ANKRD26: variants seen among roughly 807,000 people sequenced by gnomAD.
The protein encoded by ANKRD26 is ankyrin repeat domain 26.
ANKRD26 carries 141 observed loss-of-function variants against 208.7 expected under a neutral mutation model. The observed-to-expected ratio is 0.68, with a 90% confidence interval of 0.59 to 0.78. ANKRD26 has a LOEUF of 0.78. ANKRD26 is among the 30% of genes least tolerant of loss of function. The pLI is 0.00. For synonymous variants in ANKRD26, 636 were observed against 660.4 expected, an observed-to-expected ratio of 0.96 and a Z score of 0.57; for missense variants, 1,889 against 1,938.7, an observed-to-expected ratio of 0.97 and a Z score of 0.48.
intron 15 of ANKRD26, among the ~76,000 whole-genome samples, chr10:27,053,719 G>T (rs1291189773): frequency 6.6e-6 from 1 of 152,122 alleles, no homozygotes; most frequent in East Asian, 1.9e-4. Context: ...AGTAACACTA[G>T]ACAATACCAG....
At chr10:27,053,974 T>G (rs1343461385) in intron 15 of ANKRD26, among the ~76,000 whole-genome samples, 1 of 152,214 alleles carries the variant, frequency 6.6e-6, no homozygotes, top group Non-Finnish European at 1.5e-5. Context: ...GCTCCTTACA[T>G]CTGAAATGTT....
chr10:27,044,377 T>C (rs910484613), intron 18 of ANKRD26, among the ~76,000 whole-genome samples, 187 bp from the exon 19 acceptor site: 2 of 152,106 alleles, frequency 1.3e-5, no homozygotes, highest in Non-Finnish European at 2.9e-5. Context: ...TATTAAACTA[T>C]ATACAGAAAA....
At chr10:27,086,768 G>GTTC (rs2056131863) in intron 4 of ANKRD26, among the ~76,000 whole-genome samples, 159 bp from the exon 5 acceptor site, 1 of 97,016 alleles carries the variant, frequency 1.0e-5, no homozygotes, top group Non-Finnish European at 2.0e-5. Context: ...AAACTTTTTT[G>GTTC]TTTTTTTTTT....
At chr10:26,986,026 C>G (rs1179312248) in intron 3 of ANKRD26, among the ~76,000 whole-genome samples, 1 of 152,176 alleles carries the variant, frequency 6.6e-6, no homozygotes, top group African/African-American at 2.4e-5. Flanking sequence ...TGACTTCAAA[C>G]TATACTACAA....
intron 12 of ANKRD26, chr10:27,062,081 T>TCTTC: frequency 3.0e-6 from 3 of 985,308 alleles, no homozygotes; most frequent in Non-Finnish European, 3.6e-6. Context: ...CTTCTTTCTT[T>TCTTC]CTTCTCTTTC....
intron 32 of ANKRD26, among the ~76,000 whole-genome samples, chr10:27,011,157 C>T (rs934448192): frequency 6.6e-6 from 1 of 152,152 alleles, no homozygotes; most frequent in Non-Finnish European, 1.5e-5. Context: ...ACCATTAAAT[C>T]TTAAGCTAAC....
At position 27,082,508 on chromosome 10, in the gene ANKRD26, A is replaced by G. The variant is rs6482593; in HGVS notation, c.740+295T>C. Among the ~76,000 whole-genome samples the G allele has an allele frequency of 0.84, 128,253 of 152,186 alleles. 54,350 individuals are homozygous for G. The highest frequency in any genetic ancestry group is 0.99 in the East Asian group (5,126 of 5,180). On this transcript the variant is annotated intron_variant, in intron 6 of 33. Coordinates refer to ENST00000376087, the MANE Select transcript of ANKRD26 (RefSeq NM_014915.3). ...ATTTGGACCTGTACCTTGATCCAGC[A>G]CCGCACAGGTCTCTATCAATCTATG...
chr10:27,085,801 A>G (rs550946671), intron 5 of ANKRD26, among the ~76,000 whole-genome samples: 41 of 152,252 alleles, frequency 2.7e-4, no homozygotes, highest in Non-Finnish European at 5.0e-4. Context: ...CCAACCTCTC[A>G]TCTTCCTCTT....
chr10:27,100,427 C>T lies in ANKRD26; in HGVS notation c.-101G>A, dbSNP rs990200463. 20 of 1,530,610 alleles carry T rather than the reference C, an allele frequency of 1.3e-5. No homozygotes were observed. The highest frequency in any genetic ancestry group is 2.3e-5 in the East Asian group (1 of 44,108). 94.8% of individuals were successfully genotyped at this position (1,530,610 alleles called of 1,614,324 possible). ...AGTCAGCCCCGGCTGGCCGCAGCCTCCCAAAGGAAACTCCGCGGTTTCCAA... is the reference window on the plus strand; with the variant it reads ...AGTCAGCCCCGGCTGGCCGCAGCCTTCCAAAGGAAACTCCGCGGTTTCCAA... On this transcript the variant is annotated 5_prime_UTR_variant, in exon 1 of 34. Coordinates refer to ENST00000376087, the MANE Select transcript of ANKRD26 (RefSeq NM_014915.3).
chr10:27,049,071 A>T, intron 16 of ANKRD26, 92 bp from the exon 17 acceptor site: 3 of 1,091,352 alleles, frequency 2.7e-6, no homozygotes, highest in Non-Finnish European at 3.9e-6. Flanking sequence ...GACTCAGTTT[A>T]ACTATGGTAA....
chr10:27,064,192 TA>T, intron 11 of ANKRD26, 111 bp from the exon 12 acceptor site: 1 of 865,164 alleles, frequency 1.2e-6, no homozygotes, highest in Non-Finnish European at 1.8e-6. Flanking sequence ...TAAAAGCAAT[TA>T]GGCTTAAAAA....
intron 19 of ANKRD26, 56 bp from the exon 20 acceptor site, chr10:27,043,623 A>G: frequency 1.3e-6 from 2 of 1,528,012 alleles, no homozygotes; most frequent in Non-Finnish European, 1.8e-6. Context: ...TAGCACATAC[A>G]GAAGTGGTAA....
intron 3 of ANKRD26, 33 bp downstream of exon 3, chr10:27,093,316 A>G (rs1352377955): frequency 6.3e-7 from 1 of 1,597,792 alleles, no homozygotes; most frequent in Non-Finnish European, 8.6e-7. Flanking sequence ...ACGCATTTCA[A>G]ATACTGTAAA....
chr10:27,070,886 C>T (rs575720662), intron 9 of ANKRD26, among the ~76,000 whole-genome samples: 7 of 151,984 alleles, frequency 4.6e-5, no homozygotes, highest in African/African-American at 1.7e-4. Flanking sequence ...AGGCTGGTCT[C>T]GAACTCCTGA....
intron 26 of ANKRD26, 32 bp from the exon 27 acceptor site, chr10:27,028,977 A>C (rs774978340): frequency 2.6e-6 from 4 of 1,522,926 alleles, no homozygotes; most frequent in South Asian, 2.4e-5. Context: ...AATTATTCTC[A>C]CAGATAAATT....
chr10:27,012,879 A>C lies in ANKRD26; in HGVS notation c.4953+3T>G, dbSNP rs368545607. 5.1e-5 allele frequency: 82 copies of C among 1,610,952 alleles called. No homozygotes were observed. The African/African-American group carries it at 9.6e-4, about 19-fold the overall frequency. On this transcript the variant is annotated splice_donor_region_variant and intron_variant, in intron 32 of 33. Coordinates refer to ENST00000376087, the MANE Select transcript of ANKRD26 (RefSeq NM_014915.3). ...CCAAAGGAAAAAAGACAACATAACT[A>C]ACCTTGCTCAAGTAGTTCTCCATGC...
intron 20 of ANKRD26, among the ~76,000 whole-genome samples, chr10:27,041,824 C>T (rs1419298504): frequency 2.0e-5 from 3 of 151,926 alleles, no homozygotes; most frequent in African/African-American, 7.3e-5. Context: ...CCAAAACTTT[C>T]TAAACTTAAT....
intron 1 of ANKRD26, among the ~76,000 whole-genome samples, chr10:27,096,412 A>G (rs1311362866): frequency 1.3e-5 from 2 of 152,226 alleles, no homozygotes; most frequent in African/African-American, 4.8e-5. Flanking sequence ...CATGACTAAA[A>G]TAGGGATTCA....
At chr10:27,047,739 A>AATTATT (rs1193095720) in intron 17 of ANKRD26, among the ~76,000 whole-genome samples, 73 of 49,330 alleles carry the variant, frequency 1.5e-3, no homozygotes, top group African/African-American at 2.5e-3. Flanking sequence ...TAATAATAAT[A>AATTATT]ATTATTATTA....
Sources: gnomAD v4.1 joint callset for allele counts (sites outside exome capture counted in the v4.1 genomes callset) on GRCh38, gnomAD v4.1.1 for gene constraint, MANE v1.5 for transcripts, NCBI Gene and HGNC (gene_info 2026-07-23, HGNC 2026-07-21) for gene names.